Variants in SPRED1 observed in about 807,000 individuals in gnomAD.
SPRED1 encodes sprouty related EVH1 domain containing 1.
Under a neutral mutation model 52.3 loss-of-function variants are expected in SPRED1, and 18 were observed. The ratio of observed to expected loss-of-function variants is 0.34; its 90% CI spans 0.24 to 0.51. SPRED1 has a LOEUF of 0.51. Among genes scored for constraint, SPRED1 ranks in the 20% least tolerant of loss-of-function variants. The probability of loss-of-function intolerance (pLI) is 0.97; values close to 1 mark genes in which losing one functional copy is unlikely to be tolerated. For missense variants in SPRED1, 485 were observed against 551.0 expected, an observed-to-expected ratio of 0.88 and a Z score of 1.20; for synonymous variants, 155 against 179.7, an observed-to-expected ratio of 0.86 and a Z score of 1.10.
At chr15:38,310,776 A>G (rs916625652) in intron 2 of SPRED1, among the ~76,000 whole-genome samples, 1 of 152,182 alleles carries the variant, frequency 6.6e-6, no homozygotes, top group East Asian at 1.9e-4. Context: ...CTGCATGTCC[A>G]TTGTATATAG....
At chr15:38,310,788 C>T (rs1895350762) in intron 2 of SPRED1, among the ~76,000 whole-genome samples, 1 of 152,130 alleles carries the variant, frequency 6.6e-6, no homozygotes, top group Admixed American at 6.5e-5. Flanking sequence ...TGTATATAGA[C>T]ATGCTATTAA....
Position 38,356,416 on chromosome 15 carries a change from C to T in SPRED1, c.*4752C>T, listed in dbSNP as rs1311723997. Reference sequence around the variant, plus strand: ...AAGAATTTGTTTTAATGGTTTTTTTCCCTCCTGGAATTACCTGATTAAACC... The same window carrying T: ...AAGAATTTGTTTTAATGGTTTTTTTTCCTCCTGGAATTACCTGATTAAACC... On this transcript the variant is annotated 3_prime_UTR_variant, in exon 7 of 7. Coordinates refer to ENST00000299084, the MANE Select transcript of SPRED1 (RefSeq NM_152594.3). The T allele has an allele frequency of 6.6e-6, 1 of 151,898 alleles. No individual in the cohort carries two copies. The highest frequency in any genetic ancestry group is 2.4e-5 in the African/African-American group (1 of 41,372). The allele number at this position is 151,898 out of a possible 1,614,324, so 9.4% of individuals were successfully genotyped here.
At chr15:38,294,432 T>C (rs1335293084) in intron 1 of SPRED1, among the ~76,000 whole-genome samples, 3 of 152,168 alleles carry the variant, frequency 2.0e-5, no homozygotes, top group South Asian at 2.1e-4. Context: ...TATTACTGTA[T>C]CTTCGAGAAC....
chr15:38,272,395 A>G (rs1016579368), intron 1 of SPRED1, among the ~76,000 whole-genome samples: 3 of 151,610 alleles, frequency 2.0e-5, no homozygotes, highest in Admixed American at 6.6e-5. Flanking sequence ...CAGCCTCCCA[A>G]GTAGTTGGGA....
intron 4 of SPRED1, among the ~76,000 whole-genome samples, chr15:38,325,359 C>T (rs192949458): frequency 2.0e-4 from 31 of 152,152 alleles, no homozygotes; most frequent in Admixed American, 5.9e-4. Context: ...TTATTATGCA[C>T]ATACAAATAT....
intron 4 of SPRED1, among the ~76,000 whole-genome samples, chr15:38,331,673 G>A (rs74007156): frequency 0.042 from 6,360 of 151,714 alleles, 457 homozygotes; most frequent in African/African-American, 0.15. Flanking sequence ...TATATCATAC[G>A]CATTTATACT....
chr15:38,284,867 T>C (rs1443779483), intron 1 of SPRED1, among the ~76,000 whole-genome samples: 1 of 152,032 alleles, frequency 6.6e-6, no homozygotes, highest in Non-Finnish European at 1.5e-5. Context: ...TTTTTTTTTT[T>C]TTTTAAACCT....
chr15:38,309,984 A>G (rs1595739553), intron 2 of SPRED1, among the ~76,000 whole-genome samples: 2 of 152,190 alleles, frequency 1.3e-5, no homozygotes, highest in African/African-American at 4.8e-5. Context: ...TGGCTATATA[A>G]GAAGCCCTAA....
intron 2 of SPRED1, among the ~76,000 whole-genome samples, chr15:38,303,099 G>A (rs999699972): frequency 7.9e-5 from 12 of 152,004 alleles, no homozygotes; most frequent in African/African-American, 2.2e-4. Context: ...CAGGAGAATC[G>A]CTTGAACCCG....
rs146109963 is a variant in SPRED1, at chr15:38,317,549, C to T, written c.208-4692C>T. Among the ~76,000 whole-genome samples, 60 of 152,018 alleles carry T rather than the reference C, an allele frequency of 3.9e-4. No individual in the cohort carries two copies. The East Asian group carries it at 4.4e-3, about 11-fold the overall frequency. On this transcript the variant is annotated intron_variant, in intron 2 of 6. Coordinates refer to ENST00000299084, the MANE Select transcript of SPRED1 (RefSeq NM_152594.3). ...GGTAATTCAGCATTGAACTCTGCTTCCTGTATGATTGTTGTTACTAATATT... is the reference window on the plus strand; with the variant it reads ...GGTAATTCAGCATTGAACTCTGCTTTCTGTATGATTGTTGTTACTAATATT...
Position 38,299,385 on chromosome 15 carries a change from A to G in SPRED1, c.45A>G (p.Ala15=). The G allele has an allele frequency of 6.2e-7, 1 of 1,613,890 alleles. No individual in the cohort carries two copies. The highest frequency in any genetic ancestry group is 8.5e-7 in the Non-Finnish European group (1 of 1,179,862). Residue 15 remains alanine (A), a synonymous_variant, in exon 2 of 7, where the codon GCA becomes GCG. Transcript: ENST00000299084. ...GCATCTATTTTAGTAATAGTTATGC[A>G]CGAGTGCGAGCTGTGGTGATGACCC... The part of the protein sequence containing the change: ...TATSDNDNSY[A]RVRAVVMTRD...
intron 2 of SPRED1, among the ~76,000 whole-genome samples, chr15:38,313,616 A>G (rs973905972): frequency 6.6e-6 from 1 of 151,032 alleles, no homozygotes; most frequent in African/African-American, 2.4e-5. Context: ...CCGTTACATT[A>G]TATTATATTA....
intron 1 of SPRED1, among the ~76,000 whole-genome samples, chr15:38,279,735 A>C (rs1894646623): frequency 6.6e-6 from 1 of 152,210 alleles, no homozygotes; most frequent in African/African-American, 2.4e-5. Context: ...TGAAGTGTTG[A>C]GTGCGTGTTA....
At chr15:38,264,949 G>T (rs941872499) in intron 1 of SPRED1, among the ~76,000 whole-genome samples, 2 of 152,146 alleles carry the variant, frequency 1.3e-5, no homozygotes, top group African/African-American at 4.8e-5. Flanking sequence ...GTCTTATTAA[G>T]AACTTTACGT....
At chr15:38,319,421 C>T (rs1343985030) in intron 2 of SPRED1, among the ~76,000 whole-genome samples, 1 of 152,158 alleles carries the variant, frequency 6.6e-6, no homozygotes, top group Non-Finnish European at 1.5e-5. Flanking sequence ...CTCTTGCTGC[C>T]TAGGCTGGAG....
intron 1 of SPRED1, among the ~76,000 whole-genome samples, chr15:38,273,971 A>G (rs766266816): frequency 3.3e-5 from 5 of 152,356 alleles, no homozygotes; most frequent in African/African-American, 7.2e-5. Flanking sequence ...CACTACTTCT[A>G]TTTTGACAAC....
At chr15:38,293,719 T>A (rs752382364) in intron 1 of SPRED1, among the ~76,000 whole-genome samples, 5 of 152,236 alleles carry the variant, frequency 3.3e-5, no homozygotes, top group Non-Finnish European at 7.3e-5. Context: ...TTGAGCATAG[T>A]ATGCATGGCT....
At chr15:38,306,292 C>T (rs922049828) in intron 2 of SPRED1, among the ~76,000 whole-genome samples, 32 of 152,044 alleles carry the variant, frequency 2.1e-4, no homozygotes, top group Non-Finnish European at 4.4e-5. Flanking sequence ...ATAAATATGG[C>T]ACTATATAGA....
intron 4 of SPRED1, among the ~76,000 whole-genome samples, chr15:38,329,694 C>A (rs1895772903): frequency 6.6e-6 from 1 of 152,124 alleles, no homozygotes; most frequent in African/African-American, 2.4e-5. Context: ...TCGAAAATTA[C>A]AAAGACAAAA....
Sources: allele counts gnomAD v4.1 joint callset (sites outside exome capture counted in the v4.1 genomes callset), GRCh38; gene constraint gnomAD v4.1.1; transcripts MANE v1.5; gene names NCBI Gene and HGNC (gene_info 2026-07-23, HGNC 2026-07-21).